The following TSHZ2 variants were observed in gnomAD, a reference collection of about 807,000 sequenced individuals.
The protein encoded by TSHZ2 is teashirt zinc finger homeobox 2, also known as teashirt homolog 2.
In TSHZ2, 21 loss-of-function variants were observed where a neutral mutation model predicts 74.4. That is an observed-to-expected ratio of 0.28 (90% CI 0.20 to 0.41). TSHZ2 has a LOEUF of 0.41. TSHZ2 is among the 10% of genes least tolerant of loss of function. The pLI, the probability that TSHZ2 is intolerant of heterozygous loss-of-function variation, is 1.00. For synonymous variants in TSHZ2, 540 were observed against 515.3 expected, an observed-to-expected ratio of 1.05 and a Z score of -0.65; for missense variants, 1,244 against 1,293.5, an observed-to-expected ratio of 0.96 and a Z score of 0.59.
chr20:53,491,419 C>CA lies in TSHZ2; in HGVS notation c.*4285dup, dbSNP rs1986444206. ...AAAGAGATACAAATTTCCATCCCCCCAGACAGAGAGACATATTTCCATTGT... is the reference window on the plus strand; with the variant it reads ...AAAGAGATACAAATTTCCATCCCCCCAAGACAGAGAGACATATTTCCATTGT... On this transcript the variant is annotated 3_prime_UTR_variant, in exon 3 of 3. Coordinates refer to ENST00000371497, the MANE Select transcript of TSHZ2 (RefSeq NM_173485.6). 1 of 152,158 alleles carries CA rather than the reference C, an allele frequency of 6.6e-6. No individual in the cohort carries two copies. The allele number at this position is 152,158 out of a possible 1,614,324, so 9.4% of individuals were successfully genotyped here. A position where few individuals can be genotyped will look rare whatever the true frequency, so the allele number is the denominator to read the frequency against.
At chr20:53,198,979 G>C (rs1440853212) in intron 1 of TSHZ2, among the ~76,000 whole-genome samples, 1 of 152,132 alleles carries the variant, frequency 6.6e-6, no homozygotes, top group East Asian at 1.9e-4. Flanking sequence ...GCCCCGACTA[G>C]AGCACACACT....
chr20:53,299,423 A>T (rs879518320), intron 2 of TSHZ2, among the ~76,000 whole-genome samples: 1 of 152,226 alleles, frequency 6.6e-6, no homozygotes, highest in Non-Finnish European at 1.5e-5. Context: ...ATATGGGTAA[A>T]GACTTTTTCC....
chr20:53,336,959 A>G (rs1350573755), intron 2 of TSHZ2, among the ~76,000 whole-genome samples: 2 of 152,346 alleles, frequency 1.3e-5, no homozygotes, highest in Admixed American at 1.3e-4. Context: ...ATATACCTAT[A>G]TATGTGTATA....
rs377251598 is a variant in TSHZ2, at chr20:53,249,074, C to T, written c.41-4425C>T. Among the ~76,000 whole-genome samples the T allele has an allele frequency of 6.6e-5, 10 of 151,998 alleles. No homozygotes were observed. In the East Asian group the frequency reaches 1.2e-3, roughly 18 times the overall value. ...CAGGCTGGTCTTGAACTCCTGACCT[C>T]GGGTGATCTGCCTGCCTCAGCCTCC... On this transcript the variant is annotated intron_variant, in intron 1 of 2. Coordinates refer to ENST00000371497, the MANE Select transcript of TSHZ2 (RefSeq NM_173485.6).
chr20:53,477,654 G>C (rs1381087513), intron 2 of TSHZ2, among the ~76,000 whole-genome samples: 6 of 149,466 alleles, frequency 4.0e-5, no homozygotes, highest in Non-Finnish European at 8.9e-5. Context: ...AGACAAAATT[G>C]ACAATTGGGA....
chr20:53,384,918 C>T (rs1485518755), intron 2 of TSHZ2, among the ~76,000 whole-genome samples: 2 of 152,126 alleles, frequency 1.3e-5, no homozygotes, highest in Non-Finnish European at 2.9e-5. Flanking sequence ...GTCAGGAGAT[C>T]GAGACCATCC....
intron 2 of TSHZ2, among the ~76,000 whole-genome samples, chr20:53,297,962 C>T (rs1003894178): frequency 6.6e-6 from 1 of 152,190 alleles, no homozygotes. Context: ...AATGTCGAAA[C>T]TTATTCTCTC....
chr20:53,472,739 G>A lies in TSHZ2; in HGVS notation c.*9-14405G>A, dbSNP rs532024682. On this transcript the variant is annotated intron_variant, in intron 2 of 2. Transcript: ENST00000371497. ...GACGGTGATTTCTGCATTTCCATCT[G>A]AGGTACCAGGTTCATCTCACTAGGG... Among the ~76,000 whole-genome samples the A allele has an allele frequency of 1.0e-3, 151 of 151,632 alleles. 1 individual carries two copies. Among genetic ancestry groups the A allele is most frequent in the African/African-American group, 3.5e-3 (145 of 41,324 alleles).
At chr20:53,166,732 C>G (rs976850539) in intron 1 of TSHZ2, among the ~76,000 whole-genome samples, 1 of 152,096 alleles carries the variant, frequency 6.6e-6, no homozygotes, top group African/African-American at 2.4e-5. Flanking sequence ...GATCACACCA[C>G]TGCACTCCAG....
chr20:53,470,488 T>C (rs184584029), intron 2 of TSHZ2, among the ~76,000 whole-genome samples: 224 of 152,288 alleles, frequency 1.5e-3, no homozygotes, highest in Admixed American at 2.7e-3. Flanking sequence ...GTGTCTCCAT[T>C]GCTCCTTTGC....
chr20:53,375,767 A>C (rs1981636953), intron 2 of TSHZ2, among the ~76,000 whole-genome samples: 1 of 152,162 alleles, frequency 6.6e-6, no homozygotes, highest in African/African-American at 2.4e-5. Flanking sequence ...TGTGTGCATC[A>C]AAATTATTTT....
At position 52,994,416 on chromosome 20, in the gene TSHZ2, A is replaced by AGATG. The variant is rs140731085; in HGVS notation, c.40+21100_40+21103dup. On this transcript the variant is annotated intron_variant, in intron 1 of 2. Transcript: ENST00000371497. ...CGGATGGATGGATGGATGGATGAGT[A>AGATG]GATGGATGGATGGATGGATGAGTGA... Among the ~76,000 whole-genome samples the AGATG allele has an allele frequency of 4.7e-5, 7 of 150,106 alleles. No individual in the cohort carries two copies. In the East Asian group the frequency reaches 6.0e-4, roughly 13 times the overall value.
chr20:53,099,632 C>T (rs941010460), intron 1 of TSHZ2, among the ~76,000 whole-genome samples: 1 of 152,184 alleles, frequency 6.6e-6, no homozygotes, highest in Non-Finnish European at 1.5e-5. Context: ...GCCAGGGAGG[C>T]CTCACAATCA....
At chr20:53,120,210 A>T (rs1181249347) in intron 1 of TSHZ2, among the ~76,000 whole-genome samples, 1 of 152,216 alleles carries the variant, frequency 6.6e-6, no homozygotes, top group East Asian at 1.9e-4. Flanking sequence ...CAAAGTGAAA[A>T]GGCAAAGAAA....
At chr20:52,990,213 CATT>C (rs978545658) in intron 1 of TSHZ2, among the ~76,000 whole-genome samples, 4 of 151,972 alleles carry the variant, frequency 2.6e-5, no homozygotes, top group African/African-American at 9.7e-5. Flanking sequence ...AAAAAATAAA[CATT>C]ATTGAAACAG....
At chr20:53,385,177 G>A (rs916642235) in intron 2 of TSHZ2, among the ~76,000 whole-genome samples, 1 of 152,096 alleles carries the variant, frequency 6.6e-6, no homozygotes, top group Non-Finnish European at 1.5e-5. Flanking sequence ...AGTCAACCCA[G>A]ATCTAGATAT....
chr20:53,265,817 A>C (rs1169697651), intron 2 of TSHZ2, among the ~76,000 whole-genome samples: 1 of 152,192 alleles, frequency 6.6e-6, no homozygotes, highest in Non-Finnish European at 1.5e-5. Flanking sequence ...TCAGCAGAAA[A>C]CCAGAAAGAC....
intron 1 of TSHZ2, among the ~76,000 whole-genome samples, chr20:53,018,140 T>C (rs1478841607): frequency 6.6e-6 from 1 of 152,216 alleles, no homozygotes; most frequent in East Asian, 1.9e-4. Context: ...CTCTAGCAGC[T>C]GGACAATATC....
intron 1 of TSHZ2, among the ~76,000 whole-genome samples, chr20:53,132,704 A>G (rs1212435735): frequency 6.6e-6 from 1 of 152,104 alleles, no homozygotes; most frequent in Non-Finnish European, 1.5e-5. Flanking sequence ...GACCTGCATC[A>G]TCTTGCTGAA....
Sources: gnomAD v4.1 joint callset for allele counts (sites outside exome capture counted in the v4.1 genomes callset) on GRCh38, gnomAD v4.1.1 for gene constraint, MANE v1.5 for transcripts, NCBI Gene and HGNC (gene_info 2026-07-23, HGNC 2026-07-21) for gene names.